Variants in LRP1 observed in about 807,000 individuals in gnomAD.
The protein encoded by LRP1 is prolow-density lipoprotein receptor-related protein 1.
A neutral mutation model predicts 541.5 loss-of-function variants in LRP1; 51 were observed. The ratio of observed to expected loss-of-function variants is 0.09; its 90% CI spans 0.08 to 0.12. The LOEUF is 0.12. Among genes scored for constraint, LRP1 ranks in the 10% least tolerant of loss-of-function variants. The probability of loss-of-function intolerance (pLI) is 1.00; values close to 1 mark genes in which losing one functional copy is unlikely to be tolerated. For missense variants in LRP1, 3,878 were observed against 6,376.2 expected, an observed-to-expected ratio of 0.61 and a Z score of 13.34; for synonymous variants, 2,219 against 2,470.8, an observed-to-expected ratio of 0.90 and a Z score of 3.02.
chr12:57,144,817 T>C, intron 4 of LRP1, 155 bp from the exon 5 acceptor site: 1 of 714,770 alleles, frequency 1.4e-6, no homozygotes, highest in Non-Finnish European at 2.4e-6. Flanking sequence ...ACTTGCTGGG[T>C]GTTAAGGTTT....
chr12:57,138,634 C>T, intron 2 of LRP1, 53 bp downstream of exon 2: 1 of 1,601,140 alleles, frequency 6.2e-7, no homozygotes, highest in Middle Eastern at 1.7e-4. Context: ...ATCCCTCTTC[C>T]TTTGGCAGAT....
Position 57,166,128 on chromosome 12 carries a change from C to T in LRP1, c.2716C>T (p.Arg906Trp), listed in dbSNP as rs267603599. The T allele has an allele frequency of 6.2e-7, 1 of 1,614,214 alleles. No homozygotes were observed. ...GGACCGATTCAAGTGCGAGAACAACCGGTGCATCCCCAACCGCTGGCTCTG... is the reference window on the plus strand; with the variant it reads ...GGACCGATTCAAGTGCGAGAACAACTGGTGCATCCCCAACCGCTGGCTCTG... ...PSDRFKCENNRCIPNRWLCDG... is the reference protein window; with the variant it reads ...PSDRFKCENNWCIPNRWLCDG... The change falls in exon 17 of 89, where the codon CGG becomes TGG. Residue 906 changes from arginine to tryptophan, a missense_variant. Arg to Trp is a moderately radical substitution (Grantham distance 101, BLOSUM62 -3). Coordinates refer to ENST00000243077, the MANE Select transcript of LRP1 (RefSeq NM_002332.3).
At chr12:57,130,628 TGAGA>T (rs976092768) in intron 1 of LRP1, among the ~76,000 whole-genome samples, 3 of 151,506 alleles carry the variant, frequency 2.0e-5, no homozygotes, top group Admixed American at 6.6e-5. Flanking sequence ...AAAAAAAATT[TGAGA>T]GAGAGAGAGA....
intron 18 of LRP1, 81 bp from the exon 19 acceptor site, chr12:57,167,363 G>A: frequency 9.7e-7 from 1 of 1,034,510 alleles, no homozygotes; most frequent in Non-Finnish European, 1.5e-6. Context: ...GGTTATGGGA[G>A]GGCCGCTGCA....
chr12:57,198,630 C>T lies in LRP1; in HGVS notation c.9636C>T (p.Tyr3212=), dbSNP rs1375140236. The T allele has an allele frequency of 6.2e-7, 1 of 1,613,184 alleles. No homozygotes were observed. The highest frequency in any genetic ancestry group is 8.5e-7 in the Non-Finnish European group (1 of 1,179,716). ...ACTGGGCCGACGCCCGCGAGGACTA[C>T]ATTGAATTTGCCAGCCTGGATGGCT... is the stretch of plus-strand genomic sequence containing the variant. ...RIYWADARED[Y]IEFASLDGSN... is the part of the protein sequence containing the mutation. The change falls in exon 60 of 89, where the codon TAC becomes TAT. Residue 3212 remains tyrosine (Y), a synonymous_variant. Coordinates refer to ENST00000243077, the MANE Select transcript of LRP1 (RefSeq NM_002332.3).
chr12:57,194,940 G>A (rs1469951918), intron 50 of LRP1, 45 bp from the exon 51 acceptor site: 1 of 1,516,306 alleles, frequency 6.6e-7, no homozygotes, highest in Admixed American at 1.7e-5. Context: ...CCAGGTGGGT[G>A]ACCCCCACCC....
intron 4 of LRP1, 49 bp downstream of exon 4, chr12:57,143,847 T>G (rs1486009992): frequency 3.8e-6 from 6 of 1,571,868 alleles, no homozygotes; most frequent in Non-Finnish European, 5.2e-6. Context: ...CAGTAGCCAG[T>G]TGAGGTGGGC....
At chr12:57,192,814 C>A in intron 44 of LRP1, 31 bp from the exon 45 acceptor site, 1 of 1,613,814 alleles carries the variant, frequency 6.2e-7, no homozygotes, top group Non-Finnish European at 8.5e-7. Flanking sequence ...AGAACACTCT[C>A]CAGCCCTGCG....
chr12:57,193,862 A>T, intron 47 of LRP1, 37 bp from the exon 48 acceptor site: 1 of 1,602,402 alleles, frequency 6.2e-7, no homozygotes, highest in Non-Finnish European at 8.5e-7. Flanking sequence ...CACAGAGAAA[A>T]CTCTGGCCTG....
chr12:57,141,401 A>G lies in LRP1; in HGVS notation c.218A>G (p.Gln73Arg). 6.2e-7 allele frequency: 1 copy of G among 1,614,182 alleles called. No individual in the cohort carries two copies. The highest frequency in any genetic ancestry group is 8.5e-7 in the Non-Finnish European group (1 of 1,180,024). ...ICPQSKAQRC[Q>R]PNEHNCLGTE... ...CCACAGAGTAAGGCCCAGCGATGCC[A>G]GCCAAACGAGCATAACTGCCTGGGT... Residue 73 changes from glutamine (Q) to arginine (R), a missense_variant, in exon 3 of 89, where the codon CAG becomes CGG. By Grantham distance (43) the Gln-to-Arg change is conservative. Coordinates refer to ENST00000243077, the MANE Select transcript of LRP1 (RefSeq NM_002332.3).
intron 55 of LRP1, among the ~76,000 whole-genome samples, chr12:57,196,588 A>G (rs1402946757): frequency 6.6e-6 from 1 of 152,110 alleles, no homozygotes; most frequent in Non-Finnish European, 1.5e-5. Context: ...TAGAGATGCT[A>G]TTTGAATCTG....
Position 57,203,377 on chromosome 12 carries a change from C to T in LRP1, c.10819-12C>T. 6.2e-7 allele frequency: 1 copy of T among 1,600,952 alleles called. No homozygotes were observed. The highest frequency in any genetic ancestry group is 1.1e-5 in the South Asian group (1 of 90,018). On this transcript the variant is annotated splice_polypyrimidine_tract_variant and intron_variant, in intron 69 of 88. Transcript: ENST00000243077. ...CCGAGAGGTGACCGGCTGCCTGTGC[C>T]CATGCCCACAGAAAGACTGCACCCC...
chr12:57,200,300 T>C, intron 62 of LRP1, 142 bp from the exon 63 acceptor site: 1 of 680,036 alleles, frequency 1.5e-6, no homozygotes, highest in Non-Finnish European at 2.7e-6. Flanking sequence ...ACCTGGCCTT[T>C]CCGAACTCAC....
intron 15 of LRP1, among the ~76,000 whole-genome samples, chr12:57,163,459 A>G (rs2035777893): frequency 6.6e-6 from 1 of 151,946 alleles, no homozygotes; most frequent in Non-Finnish European, 1.5e-5. Flanking sequence ...GGTGCCTGTA[A>G]TCCTAGCTAC....
intron 15 of LRP1, among the ~76,000 whole-genome samples, chr12:57,163,524 G>A (rs61937578): frequency 6.6e-6 from 1 of 151,522 alleles, no homozygotes; most frequent in African/African-American, 2.4e-5. Flanking sequence ...GGTTGCAGTG[G>A]GCCGAAATCA....
Position 57,202,543 on chromosome 12 carries a change from T to TGGGCCCCCCCCCCCCCCCCCCCCCCC in LRP1, c.10711+6_10711+7insGGGCCCCCCCCCCCCCCCCCCCCCCC. ...CTCCGATGAAGAGAGCTGCAGTACGTCCCCACCCACCCAGCCCCGCATGAG... is the reference window on the plus strand; with the variant it reads ...CTCCGATGAAGAGAGCTGCAGTACGTGGGCCCCCCCCCCCCCCCCCCCCCCCCCCCACCCACCCAGCCCCGCATGAG... On this transcript the variant is annotated splice_region_variant and intron_variant, in intron 68 of 88. Transcript: ENST00000243077. 1.3e-6 allele frequency: 2 copies of TGGGCCCCCCCCCCCCCCCCCCCCCCC among 1,523,632 alleles called. No individual in the cohort carries two copies. Among genetic ancestry groups the TGGGCCCCCCCCCCCCCCCCCCCCCCC allele is most frequent in the Non-Finnish European group, 1.8e-6 (2 of 1,124,810 alleles). The allele number at this position is 1,523,632 out of a possible 1,614,324, so 94.4% of individuals were successfully genotyped here.
intron 44 of LRP1, among the ~76,000 whole-genome samples, chr12:57,192,021 CT>C (rs2036419175): frequency 7.3e-6 from 1 of 137,800 alleles, no homozygotes. Flanking sequence ...TGCCACACAC[CT>C]ACCACCCACA....
rs368834125 is a variant in LRP1 at position 57,194,381 on chromosome 12, G to A, written c.7946G>A (p.Arg2649His). The change falls in exon 49 of 89, where the codon CGC (arginine) becomes CAC (histidine). Residue 2649 changes from arginine to histidine, a missense_variant. By Grantham distance (29) the Arg-to-His change is conservative (BLOSUM62 0). This residue lies in a region of LRP1 where 1,100 missense variants were observed against 1,827.4 expected (regional missense o/e 0.60). Transcript: ENST00000243077. ...CSATDCSSYFRLGVKGVLFQP... is the reference protein window; with the variant it reads ...CSATDCSSYFHLGVKGVLFQP... ...GCCACCGACTGCAGCAGCTACTTCCGCCTGGGCGTGAAGGGCGTGCTCTTC... is the reference window on the plus strand; with the variant it reads ...GCCACCGACTGCAGCAGCTACTTCCACCTGGGCGTGAAGGGCGTGCTCTTC... 39 of 1,511,376 alleles carry A rather than the reference G, an allele frequency of 2.6e-5. No homozygotes were observed. The highest frequency in any genetic ancestry group is 3.6e-4 in the Middle Eastern group (2 of 5,596). 93.6% of individuals were successfully genotyped at this position (1,511,376 alleles called of 1,614,324 possible).
Position 57,198,260 on chromosome 12 carries a change from C to T in LRP1, c.9387C>T (p.Ser3129=). The T allele has an allele frequency of 1.2e-6, 2 of 1,613,808 alleles. No homozygotes were observed. Among genetic ancestry groups the T allele is most frequent in the South Asian group, 2.2e-5 (2 of 91,036 alleles). Residue 3129 remains serine, a synonymous_variant, in exon 59 of 89, where the codon TCC becomes TCT. Coordinates refer to ENST00000243077, the MANE Select transcript of LRP1 (RefSeq NM_002332.3). ...AAGGCCGGGACACCATCGAGGTGTC[C>T]AAGCTCAATGGGGCCTATCGGACGG... ...CDKGRDTIEV[S]KLNGAYRTVL...
Sources: allele counts gnomAD v4.1 joint callset (sites outside exome capture counted in the v4.1 genomes callset), GRCh38; gene constraint gnomAD v4.1.1; regional missense constraint gnomAD v4.1.1; transcripts MANE v1.5; gene names NCBI Gene and HGNC (gene_info 2026-07-23, HGNC 2026-07-21).